VPS13C: variants seen among roughly 807,000 people sequenced by gnomAD.
The protein encoded by VPS13C is vacuolar protein sorting 13 homolog C, also known as intermembrane lipid transfer protein VPS13C.
Under a neutral mutation model 456.8 loss-of-function variants are expected in VPS13C, and 358 were observed. The observed-to-expected ratio is 0.78, with a 90% CI of 0.72 to 0.86. The LOEUF is 0.86. Ranked by LOEUF, VPS13C falls within the 40% of genes least tolerant of loss-of-function variation. VPS13C has a pLI of 0.00. For synonymous variants in VPS13C, 1,578 were observed against 1,486.7 expected (o/e 1.06, Z -1.41); for missense variants, 4,818 against 4,385.4 (o/e 1.10, Z -2.79).
intron 13 of VPS13C, among the ~76,000 whole-genome samples, chr15:62,009,559 T>C (rs1488154256): frequency 1.3e-5 from 2 of 152,350 alleles, no homozygotes; most frequent in East Asian, 3.9e-4. Flanking sequence ...ATTAATATTT[T>C]GGAAATATTA....
intron 81 of VPS13C, chr15:61,865,138 T>C: frequency 2.0e-6 from 2 of 984,966 alleles, no homozygotes; most frequent in South Asian, 4.7e-5. Flanking sequence ...TGATAAAATA[T>C]TCACGTCCCC....
chr15:61,920,964 C>G (rs904278377), intron 55 of VPS13C, among the ~76,000 whole-genome samples: 1 of 152,090 alleles, frequency 6.6e-6, no homozygotes, highest in Non-Finnish European at 1.5e-5. Context: ...TATGTGTTGA[C>G]GAGCAATCTA....
intron 1 of VPS13C, among the ~76,000 whole-genome samples, chr15:62,055,662 C>T (rs369124971): frequency 1.3e-5 from 2 of 152,048 alleles, no homozygotes; most frequent in South Asian, 4.1e-4. Context: ...AAACTACTTC[C>T]AAAGATCATC....
In VPS13C at chr15:61,865,748, A is replaced by G. The variant is rs562431431; in HGVS notation, c.10864-2220T>C. On this transcript the variant is annotated intron_variant, in intron 81 of 84. Transcript: ENST00000644861. ...TGTGTTTGTGTGTATGTATATCTGT[A>G]TGTGTACATATATGTACGTGTGTAT... The G allele has an allele frequency of 2.0e-5, 12 of 597,948 alleles. No homozygotes were observed. In the East Asian group the frequency reaches 1.6e-3, roughly 79 times the overall value. 37.0% of individuals were successfully genotyped at this position (597,948 alleles called of 1,614,324 possible). A position where few individuals can be genotyped will look rare whatever the true frequency, so the allele number is the denominator to read the frequency against.
intron 45 of VPS13C, among the ~76,000 whole-genome samples, chr15:61,944,336 G>A (rs542002701): frequency 3.1e-4 from 47 of 152,154 alleles, no homozygotes; most frequent in East Asian, 2.3e-3. Flanking sequence ...ACACACTCAC[G>A]TGTTCTTCAG....
intron 61 of VPS13C, among the ~76,000 whole-genome samples, chr15:61,915,372 C>T (rs535940691): frequency 2.0e-5 from 3 of 152,032 alleles, no homozygotes; most frequent in Non-Finnish European, 2.9e-5. Context: ...GCTATTCTAT[C>T]TACTATACTA....
chr15:62,046,226 A>G (rs1276880085), intron 1 of VPS13C, among the ~76,000 whole-genome samples: 2 of 152,216 alleles, frequency 1.3e-5, no homozygotes, highest in Non-Finnish European at 2.9e-5. Flanking sequence ...ACTGAAAAGT[A>G]AAACCGAAAA....
In VPS13C at chr15:62,010,491, A is replaced by G. The variant is rs764827153; in HGVS notation, c.992T>C (p.Ile331Thr). Residue 331 changes from isoleucine to threonine, a missense_variant, in exon 13 of 85, where the codon ATT becomes ACT. This residue lies in a region of VPS13C where 4,552 missense variants were observed against 4,130.6 expected (regional missense o/e 1.10). Coordinates refer to ENST00000644861, the MANE Select transcript of VPS13C (RefSeq NM_020821.3). ...DCNIEIQNIA[I>T]ELTKPQYLSM... ...TCATACCTGAGGTTTGGTCAGTTCA[A>G]TGGCAATATTTTGTATTTCTATGTT... 1.2e-6 allele frequency: 2 copies of G among 1,612,884 alleles called. No individual in the cohort carries two copies. Among genetic ancestry groups the G allele is most frequent in the Non-Finnish European group, 8.5e-7 (1 of 1,179,528 alleles).
chr15:62,015,008 C>A (rs895808700), intron 9 of VPS13C, among the ~76,000 whole-genome samples: 5 of 152,072 alleles, frequency 3.3e-5, no homozygotes, highest in Admixed American at 2.6e-4. Context: ...CAAACAGCAG[C>A]AAACACTAAG....
At chr15:61,922,820 A>G in intron 53 of VPS13C, 58 bp from the exon 54 acceptor site, 1 of 1,355,240 alleles carries the variant, frequency 7.4e-7, no homozygotes, top group Non-Finnish European at 9.7e-7. Flanking sequence ...ATGAGAATAT[A>G]TACATACATG....
At position 62,055,078 on chromosome 15, in the gene VPS13C, CA is replaced by C. The variant is rs2048742151; in HGVS notation, c.100+5196del. ...TCTGCTTAAACTACTTTTAAAAATA[CA>C]TAAGAATTGCTTGGCATTAAATAAA... is the stretch of plus-strand genomic sequence containing the variant. On this transcript the variant is annotated intron_variant, in intron 1 of 84. Coordinates refer to ENST00000644861, the MANE Select transcript of VPS13C (RefSeq NM_020821.3). Among the ~76,000 whole-genome samples, 5 of 152,266 alleles carry C rather than the reference CA, an allele frequency of 3.3e-5. No individual in the cohort carries two copies. In the South Asian group the frequency reaches 1.0e-3, roughly 32 times the overall value.
chr15:61,963,148 C>A (rs2045267304), intron 32 of VPS13C, among the ~76,000 whole-genome samples: 1 of 152,006 alleles, frequency 6.6e-6, no homozygotes, highest in Non-Finnish European at 1.5e-5. Context: ...CAGTCATTTA[C>A]ATGGAAACTA....
In VPS13C at chr15:62,060,325, TC is replaced by T; in HGVS notation, c.49del (p.Asp17ThrfsTer6). On this transcript the variant is annotated frameshift_variant, in exon 1 of 85. Coordinates refer to ENST00000644861, the MANE Select transcript of VPS13C (RefSeq NM_020821.3). LOFTEE classifies it high-confidence loss of function. ...VADLLNRFLGDYVENLNKSQL... is the reference protein window; with the variant it reads ...VADLLNRFLGXYVENLNKSQL... The stretch of plus-strand genomic sequence containing the variant: ...GGACTTGTTCAGGTTCTCCACATAG[TC>T]CCCCAGGAAGCGGTTCAGCAAGTCC... 1 of 1,607,016 alleles carries T rather than the reference TC, an allele frequency of 6.2e-7. No homozygotes were observed. Among genetic ancestry groups the T allele is most frequent in the Non-Finnish European group, 8.5e-7 (1 of 1,177,244 alleles).
chr15:61,888,691 G>A (rs1033165488), intron 67 of VPS13C, among the ~76,000 whole-genome samples: 1 of 152,124 alleles, frequency 6.6e-6, no homozygotes, highest in African/African-American at 2.4e-5. Context: ...GTTTCCAAAG[G>A]TTTAGAAGAG....
chr15:61,908,204 G>C (rs985634206), intron 65 of VPS13C, among the ~76,000 whole-genome samples: 1 of 152,082 alleles, frequency 6.6e-6, no homozygotes, highest in Admixed American at 6.6e-5. Flanking sequence ...GAGAAAAAAA[G>C]TAATCCAACT....
At chr15:62,042,375 AAC>A (rs1484205477) in intron 2 of VPS13C, among the ~76,000 whole-genome samples, 1 of 152,154 alleles carries the variant, frequency 6.6e-6, no homozygotes, top group Admixed American at 6.5e-5. Context: ...ACTATATAAT[AAC>A]ACTATAAAAA....
chr15:61,922,792 T>A (rs943236984), intron 53 of VPS13C, 30 bp from the exon 54 acceptor site: 7 of 1,511,828 alleles, frequency 4.6e-6, no homozygotes, highest in South Asian at 4.1e-5. Context: ...AAAATATTTA[T>A]AATAAATTCT....
intron 15 of VPS13C, among the ~76,000 whole-genome samples, chr15:62,003,747 C>T (rs1257688958): frequency 6.6e-6 from 1 of 151,816 alleles, no homozygotes; most frequent in Non-Finnish European, 1.5e-5. Flanking sequence ...TGAATTTTGT[C>T]AAAGGCCTTT....
intron 79 of VPS13C, 141 bp downstream of exon 79, chr15:61,871,848 A>T: frequency 1.5e-6 from 1 of 682,890 alleles, no homozygotes; most frequent in Non-Finnish European, 2.4e-6. Flanking sequence ...AAATACATTC[A>T]TTGAGCAACT....
Sources: gnomAD v4.1 joint callset for allele counts (sites outside exome capture counted in the v4.1 genomes callset) on GRCh38, gnomAD v4.1.1 for gene constraint, gnomAD v4.1.1 regional missense constraint, MANE v1.5 for transcripts, NCBI Gene and HGNC (gene_info 2026-07-23, HGNC 2026-07-21) for gene names.